The following BMP8A variants were observed in gnomAD, a reference collection of about 807,000 sequenced individuals.
The protein encoded by BMP8A is bone morphogenetic protein 8a.
BMP8A carries 14 observed loss-of-function variants against 36.8 expected under a neutral mutation model. The observed-to-expected ratio is 0.38, with a 90% CI of 0.25 to 0.60. The LOEUF (loss-of-function observed/expected upper bound fraction) is 0.60. Ranked by LOEUF, BMP8A falls within the 20% of genes least tolerant of loss-of-function variation. The pLI is 0.63. For synonymous variants in BMP8A, 120 were observed against 237.7 expected (o/e 0.50, Z 4.55); for missense variants, 267 against 551.1 (o/e 0.48, Z 5.16).
chr1:39,525,417 C>T (rs1315679540), intron 6 of BMP8A, among the ~76,000 whole-genome samples: 1 of 152,282 alleles, frequency 6.6e-6, no homozygotes, highest in East Asian at 1.9e-4. Flanking sequence ...ACCTGCCCCA[C>T]ACCCTGGGGC....
Position 39,492,227 on chromosome 1 carries a change from A to T in BMP8A, c.236A>T (p.Asp79Val). 1 of 1,541,024 alleles carries T rather than the reference A, an allele frequency of 6.5e-7. No individual in the cohort carries two copies. The highest frequency in any genetic ancestry group is 1.9e-5 in the Admixed American group (1 of 52,484). ...LPASAPLFML[D>V]LYHAMAGDDD... is the part of the protein sequence containing the mutation. ...GCGTCCGCGCCGCTCTTCATGCTGG[A>T]CCTGTACCACGCCATGGCTGGCGAC... is the stretch of plus-strand genomic sequence containing the variant. Residue 79 changes from aspartate to valine, a missense_variant, in exon 1 of 7, where the codon GAC becomes GTC. This residue lies in a region of BMP8A where 21 missense variants were observed against 59.2 expected (regional missense o/e 0.35). Coordinates refer to ENST00000331593, the MANE Select transcript of BMP8A (RefSeq NM_181809.4).
Position 39,525,940 on chromosome 1 carries a change from T to C in BMP8A, c.*142T>C, listed in dbSNP as rs1645479455. ...CGGTGCCTACTTCCTGTCAGGCTTC[T>C]GGTCCTTTCTCGGTACCTCTGTGCC... On this transcript the variant is annotated 3_prime_UTR_variant, in exon 7 of 7. Coordinates refer to ENST00000331593, the MANE Select transcript of BMP8A (RefSeq NM_181809.4). 2.1e-6 allele frequency: 3 copies of C among 1,401,606 alleles called. No individual in the cohort carries two copies. Among genetic ancestry groups the C allele is most frequent in the Non-Finnish European group, 2.9e-6 (3 of 1,037,984 alleles). 86.8% of individuals were successfully genotyped at this position (1,401,606 alleles called of 1,614,324 possible). A position where few individuals can be genotyped will look rare whatever the true frequency, so the allele number is the denominator to read the frequency against.
At chr1:39,494,212 T>G (rs1205827960) in intron 1 of BMP8A, among the ~76,000 whole-genome samples, 1 of 152,234 alleles carries the variant, frequency 6.6e-6, no homozygotes, top group Non-Finnish European at 1.5e-5. Context: ...CCACATGTCT[T>G]GTACACGTGA....
chr1:39,529,613 T>C lies in BMP8A; in HGVS notation c.*3815T>C, dbSNP rs548581163. On this transcript the variant is annotated 3_prime_UTR_variant, in exon 7 of 7. Coordinates refer to ENST00000331593, the MANE Select transcript of BMP8A (RefSeq NM_181809.4). The stretch of plus-strand genomic sequence containing the variant: ...TTTTTTCTCACGTAAGAAAATGTTA[T>C]CTGTGTGCTGGGGAAAATTTTGAAA... 3.7e-4 allele frequency among the ~76,000 whole-genome samples: 57 copies of C among 152,344 alleles called. 1 individual carries two copies. In the South Asian group the frequency reaches 0.012, roughly 32 times the overall value.
At chr1:39,525,517 T>C in intron 6 of BMP8A, 132 bp from the exon 7 acceptor site, 1 of 1,237,164 alleles carries the variant, frequency 8.1e-7, no homozygotes, top group Non-Finnish European at 1.1e-6. Flanking sequence ...TAATAATTCT[T>C]ATTATTGTGC....
chr1:39,495,759 G>A (rs1645199933), intron 1 of BMP8A, among the ~76,000 whole-genome samples: 1 of 148,714 alleles, frequency 6.7e-6, no homozygotes, highest in Non-Finnish European at 1.5e-5. Flanking sequence ...TCCTGAGGGA[G>A]GAAGGATGGC....
At chr1:39,501,927 C>T (rs1034451211) in intron 1 of BMP8A, among the ~76,000 whole-genome samples, 6 of 152,130 alleles carry the variant, frequency 3.9e-5, no homozygotes, top group Admixed American at 1.3e-4. Context: ...GAGGCCTTCT[C>T]AAACATCACA....
At chr1:39,500,207 G>A (rs1645241440) in intron 1 of BMP8A, among the ~76,000 whole-genome samples, 1 of 152,144 alleles carries the variant, frequency 6.6e-6, no homozygotes. Context: ...CACACAACTG[G>A]TTCCTTCTCC....
Position 39,526,590 on chromosome 1 carries a change from G to A in BMP8A, c.*792G>A, listed in dbSNP as rs553597247. ...CTGACCTCAGGTGATCCACCCGCCCGGCCTCCCAAAGTGTTGGGATGACAG... is the reference window on the plus strand; with the variant it reads ...CTGACCTCAGGTGATCCACCCGCCCAGCCTCCCAAAGTGTTGGGATGACAG... On this transcript the variant is annotated 3_prime_UTR_variant, in exon 7 of 7. Transcript: ENST00000331593. Among the ~76,000 whole-genome samples the A allele has an allele frequency of 1.8e-4, 28 of 152,198 alleles. No homozygotes were observed. The highest frequency in any genetic ancestry group is 6.7e-4 in the African/African-American group (28 of 41,512).
intron 3 of BMP8A, among the ~76,000 whole-genome samples, chr1:39,513,233 A>C (rs1645371772): frequency 1.2e-5 from 1 of 81,064 alleles, no homozygotes; most frequent in Non-Finnish European, 2.2e-5. Flanking sequence ...GTAACCTCCA[A>C]CTCCTGGGCG....
In BMP8A at chr1:39,514,969, G is replaced by A. The variant is rs1030527444; in HGVS notation, c.673+3065G>A. ...CCCGGGCCGACTATGGCGGCGCTGC[G>A]GCTCCTGGCGTCAGTGCTCGGGCGC... On this transcript the variant is annotated intron_variant, in intron 3 of 6. Transcript: ENST00000331593. 1.8e-5 allele frequency: 27 copies of A among 1,521,326 alleles called. No individual in the cohort carries two copies. In the African/African-American group the frequency reaches 2.8e-4, roughly 16 times the overall value. The allele number at this position is 1,521,326 out of a possible 1,614,324, so 94.2% of individuals were successfully genotyped here. A position where few individuals can be genotyped will look rare whatever the true frequency, so the allele number is the denominator to read the frequency against.
At position 39,491,879 on chromosome 1, in the gene BMP8A, C is replaced by T; in HGVS notation, c.-113C>T. The T allele has an allele frequency of 2.1e-6, 2 of 934,722 alleles. No individual in the cohort carries two copies. Among genetic ancestry groups the T allele is most frequent in the Non-Finnish European group, 1.3e-6 (1 of 774,448 alleles). The allele number at this position is 934,722 out of a possible 1,614,324, so 57.9% of individuals were successfully genotyped here. A position where few individuals can be genotyped will look rare whatever the true frequency, so the allele number is the denominator to read the frequency against. On this transcript the variant is annotated 5_prime_UTR_variant, in exon 1 of 7. Transcript: ENST00000331593. ...CGCTGAGGCCGCAGACGCCGCCCGCCGAGCCCCGCCCCCTGCTCGCCGAAC... is the reference window on the plus strand; with the variant it reads ...CGCTGAGGCCGCAGACGCCGCCCGCTGAGCCCCGCCCCCTGCTCGCCGAAC...
rs186999705 is a variant in BMP8A, at chr1:39,524,159, G to T, written c.1059+1042G>T. Among the ~76,000 whole-genome samples, 25 of 152,336 alleles carry T rather than the reference G, an allele frequency of 1.6e-4. No homozygotes were observed. The highest frequency in any genetic ancestry group is 5.5e-4 in the African/African-American group (23 of 41,582). ...AAAGGCCCAGGGGTGATGAGGACGC[G>T]TGGGGTGGCCTGGCCCAGCCACCCT... On this transcript the variant is annotated intron_variant, in intron 6 of 6. Transcript: ENST00000331593. The surrounding 1 kb of genome is among the most constrained non-coding windows in gnomAD (Gnocchi z 4.0).
At chr1:39,518,095 TTGTG>T (rs71844778) in intron 3 of BMP8A, among the ~76,000 whole-genome samples, 47 of 151,330 alleles carry the variant, frequency 3.1e-4, no homozygotes, top group Admixed American at 5.3e-4. Context: ...AAAATTAAGA[TTGTG>T]TGTGTGTGTG....
intron 1 of BMP8A, among the ~76,000 whole-genome samples, chr1:39,498,997 G>A (rs1400413709): frequency 2.0e-5 from 3 of 152,260 alleles, no homozygotes; most frequent in African/African-American, 7.2e-5. Flanking sequence ...TGGGAAGAAG[G>A]GGCCGGGGCA....
chr1:39,492,091 C>T lies in BMP8A; in HGVS notation c.100C>T (p.Arg34Ter), dbSNP rs1645163731. Residue 34 changes from arginine (R) to a stop codon, truncating the protein, a stop_gained, in exon 1 of 7, where the codon CGA becomes TGA. Coordinates refer to ENST00000331593, the MANE Select transcript of BMP8A (RefSeq NM_181809.4). LOFTEE classifies it high-confidence loss of function. ...GCGACCCCCGCCCGGCTGTCCCCAG[C>T]GACGTCTGGGCGCGCGCGAGCGCCG... ...GLRPPPGCPQRRLGARERRDV... is the reference protein window; with the variant it reads ...GLRPPPGCPQ 2.6e-6 allele frequency: 3 copies of T among 1,157,908 alleles called. No individual in the cohort carries two copies. The highest frequency in any genetic ancestry group is 3.2e-6 in the Non-Finnish European group (3 of 943,746). 71.7% of individuals were successfully genotyped at this position (1,157,908 alleles called of 1,614,324 possible). A position where few individuals can be genotyped will look rare whatever the true frequency, so the allele number is the denominator to read the frequency against.
chr1:39,522,568 G>A, intron 5 of BMP8A, 86 bp downstream of exon 5: 4 of 1,394,362 alleles, frequency 2.9e-6, no homozygotes, highest in Non-Finnish European at 3.9e-6. Flanking sequence ...TAGAATCATG[G>A]TGACTTCAAT....
rs1439228844 is a variant in BMP8A at position 39,492,728 on chromosome 1, GA to G, written c.334+406del. Among the ~76,000 whole-genome samples, 11 of 152,346 alleles carry G rather than the reference GA, an allele frequency of 7.2e-5. No homozygotes were observed. The East Asian group carries it at 1.5e-3, about 21-fold the overall frequency. On this transcript the variant is annotated intron_variant, in intron 1 of 6. Transcript: ENST00000331593. The stretch of plus-strand genomic sequence containing the variant: ...GAGGAGAGGGACAAAGTTCAGCGTG[GA>G]AACCTGTGGTCACATCATCGGAGTG...
intron 1 of BMP8A, among the ~76,000 whole-genome samples, chr1:39,495,395 G>A (rs1278913395): frequency 9.9e-5 from 15 of 151,174 alleles, no homozygotes; most frequent in South Asian, 8.5e-4. Context: ...GGTCAGAGCC[G>A]GGGCCCTGCC....
Sources: gnomAD v4.1 joint callset for allele counts (sites outside exome capture counted in the v4.1 genomes callset) on GRCh38, gnomAD v4.1.1 for gene constraint, gnomAD v4.1.1 regional missense constraint, Gnocchi (gnomAD v3.1) non-coding constraint, MANE v1.5 for transcripts, NCBI Gene and HGNC (gene_info 2026-07-23, HGNC 2026-07-21) for gene names.